Variants in EXOC6B observed in about 807,000 individuals in gnomAD.
EXOC6B encodes the protein exocyst complex component 6B.
Under a neutral mutation model 113.5 loss-of-function variants are expected in EXOC6B, and 54 were observed. That is an observed-to-expected ratio of 0.48 (90% CI 0.38 to 0.60). The LOEUF (loss-of-function observed/expected upper bound fraction) is 0.60. EXOC6B is among the 20% of genes least tolerant of loss of function. EXOC6B has a pLI of 0.00. For missense variants in EXOC6B, 797 were observed against 977.5 expected (o/e 0.82, Z 2.46); for synonymous variants, 357 against 339.0 (o/e 1.05, Z -0.58).
intron 8 of EXOC6B, among the ~76,000 whole-genome samples, chr2:72,523,485 A>G (rs1408885773): frequency 6.6e-6 from 1 of 152,148 alleles, no homozygotes; most frequent in Non-Finnish European, 1.5e-5. Context: ...TATTCTCTTC[A>G]TTAAGATTTA....
At chr2:72,729,659 G>A (rs950653801) in intron 5 of EXOC6B, among the ~76,000 whole-genome samples, 3 of 151,692 alleles carry the variant, frequency 2.0e-5, no homozygotes, top group Admixed American at 1.3e-4. Context: ...TTCTGGCCTC[G>A]AGTGATCCAC....
At chr2:72,745,832 A>C (rs990136438) in intron 1 of EXOC6B, among the ~76,000 whole-genome samples, 1 of 152,196 alleles carries the variant, frequency 6.6e-6, no homozygotes, top group African/African-American at 2.4e-5. Flanking sequence ...AAAAACAAAA[A>C]TAAACAAGAC....
intron 16 of EXOC6B, among the ~76,000 whole-genome samples, chr2:72,483,136 A>G (rs1699204393): frequency 6.6e-6 from 1 of 152,230 alleles, no homozygotes; most frequent in Admixed American, 6.5e-5. Flanking sequence ...AAAATAAGCA[A>G]TTCATCACCC....
intron 6 of EXOC6B, among the ~76,000 whole-genome samples, chr2:72,710,628 A>C (rs1373437999): frequency 6.6e-6 from 1 of 152,238 alleles, no homozygotes; most frequent in Non-Finnish European, 1.5e-5. Context: ...AGCATACAAG[A>C]GGCTTCAACA....
intron 8 of EXOC6B, among the ~76,000 whole-genome samples, chr2:72,552,503 T>C (rs1347503960): frequency 1.3e-5 from 2 of 152,022 alleles, no homozygotes; most frequent in Non-Finnish European, 2.9e-5. Flanking sequence ...GGGGGAGATG[T>C]CCAACTAATT....
At position 72,547,601 on chromosome 2, in the gene EXOC6B, T is replaced by C. The variant is rs1346925935; in HGVS notation, c.915+11852A>G. ...TAAGCTACTTGTTATGGGATGTACA[T>C]ACACCCTTCCAGTGATAGAAGGGTG... On this transcript the variant is annotated intron_variant, in intron 8 of 21. Transcript: ENST00000272427. 2.0e-5 allele frequency among the ~76,000 whole-genome samples: 3 copies of C among 152,170 alleles called. No homozygotes were observed. In the East Asian group the frequency reaches 5.8e-4, roughly 29 times the overall value.
At chr2:72,425,232 T>C (rs1695137380) in intron 18 of EXOC6B, among the ~76,000 whole-genome samples, 1 of 152,184 alleles carries the variant, frequency 6.6e-6, no homozygotes, top group Non-Finnish European at 1.5e-5. Context: ...CTTCTTCCCC[T>C]CAATTATTAA....
chr2:72,363,319 C>T lies in EXOC6B; in HGVS notation c.2122+16410G>A, dbSNP rs142529132. Among the ~76,000 whole-genome samples the T allele has an allele frequency of 2.2e-3, 333 of 152,096 alleles. 3 individuals carry two copies. The highest frequency in any genetic ancestry group is 1.0e-3 in the Non-Finnish European group (70 of 67,952). ...ATAATACTCCTGTTATATAATGGCACCCTAAGCAGTAGTTACCATCTGTAG... is the reference window on the plus strand; with the variant it reads ...ATAATACTCCTGTTATATAATGGCATCCTAAGCAGTAGTTACCATCTGTAG... On this transcript the variant is annotated intron_variant, in intron 19 of 21. Transcript: ENST00000272427.
At chr2:72,476,027 T>C (rs1027567870) in intron 17 of EXOC6B, among the ~76,000 whole-genome samples, 3 of 152,206 alleles carry the variant, frequency 2.0e-5, no homozygotes. Context: ...GAGTCAGGGC[T>C]CTAAGATGGC....
chr2:72,396,082 A>C (rs1692708946), intron 18 of EXOC6B, among the ~76,000 whole-genome samples: 1 of 152,086 alleles, frequency 6.6e-6, no homozygotes, highest in African/African-American at 2.4e-5. Context: ...ACTTTCATAC[A>C]CCTAGAAATC....
rs73942551 is a variant in EXOC6B at position 72,193,424 on chromosome 2, G to C, written c.2197-9237C>G. ...GTCTGCCTCCTGTGTCTCCTCAGGA[G>C]CACTTCCTGACACAGAAATCTGGGC... On this transcript the variant is annotated intron_variant, in intron 20 of 21. Transcript: ENST00000272427. Among the ~76,000 whole-genome samples the C allele has an allele frequency of 8.5e-3, 1,297 of 152,262 alleles. 21 individuals carry two copies. The highest frequency in any genetic ancestry group is 0.029 in the African/African-American group (1,197 of 41,554).
intron 1 of EXOC6B, among the ~76,000 whole-genome samples, chr2:72,814,055 T>A (rs980531483): frequency 6.6e-6 from 1 of 152,226 alleles, no homozygotes; most frequent in Admixed American, 6.5e-5. Flanking sequence ...GATGTCAGTA[T>A]GCCACTACAC....
At chr2:72,227,351 A>G (rs754649600) in intron 20 of EXOC6B, among the ~76,000 whole-genome samples, 2 of 152,158 alleles carry the variant, frequency 1.3e-5, no homozygotes, top group Non-Finnish European at 2.9e-5. Context: ...ATTAATAGGA[A>G]TAAAAAGGGT....
At chr2:72,271,326 T>A (rs1362941697) in intron 20 of EXOC6B, among the ~76,000 whole-genome samples, 2 of 152,122 alleles carry the variant, frequency 1.3e-5, no homozygotes, top group Non-Finnish European at 2.9e-5. Context: ...ATCCTAGCCT[T>A]TTGAATATCT....
intron 20 of EXOC6B, among the ~76,000 whole-genome samples, chr2:72,244,071 A>C (rs1682499353): frequency 6.6e-6 from 1 of 152,232 alleles, no homozygotes; most frequent in African/African-American, 2.4e-5. Flanking sequence ...TGGCATTCAT[A>C]TAAAACTTCA....
chr2:72,649,148 G>GA (rs1673968736), intron 6 of EXOC6B, among the ~76,000 whole-genome samples: 1 of 151,894 alleles, frequency 6.6e-6, no homozygotes. Context: ...TCTATTTAAA[G>GA]AAAAAAATAA....
intron 20 of EXOC6B, among the ~76,000 whole-genome samples, chr2:72,278,690 G>A (rs902836370): frequency 1.3e-5 from 2 of 152,088 alleles, no homozygotes; most frequent in African/African-American, 2.4e-5. Context: ...TCTGTAGGTG[G>A]CATAATAATT....
intron 19 of EXOC6B, among the ~76,000 whole-genome samples, chr2:72,349,954 T>C (rs577044337): frequency 5.9e-5 from 9 of 152,066 alleles, no homozygotes; most frequent in Non-Finnish European, 1.2e-4. Flanking sequence ...AAGTTACAGT[T>C]AGATTGAATT....
At position 72,482,767 on chromosome 2, in the gene EXOC6B, G is replaced by A. The variant is rs139222697; in HGVS notation, c.1666-2017C>T. 3.6e-4 allele frequency among the ~76,000 whole-genome samples: 55 copies of A among 152,164 alleles called. 1 individual carries two copies. In the East Asian group the frequency reaches 0.01, roughly 28 times the overall value. ...CAAAAAATACATGTCAACTCATAAAGACAATGTTTTAGTACTGGTTTCAAC... is the reference window on the plus strand; with the variant it reads ...CAAAAAATACATGTCAACTCATAAAAACAATGTTTTAGTACTGGTTTCAAC... On this transcript the variant is annotated intron_variant, in intron 16 of 21. Transcript: ENST00000272427.
Sources: allele counts gnomAD v4.1 joint callset (sites outside exome capture counted in the v4.1 genomes callset), GRCh38; gene constraint gnomAD v4.1.1; transcripts MANE v1.5; gene names NCBI Gene and HGNC (gene_info 2026-07-23, HGNC 2026-07-21).